The following RTKN2 variants were observed in gnomAD, a reference collection of about 807,000 sequenced individuals.
The protein encoded by RTKN2 is rhotekin 2.
In RTKN2, 69 loss-of-function variants were observed where a neutral mutation model predicts 71.5. The observed-to-expected ratio is 0.96, with a 90% CI of 0.79 to 1.18. The LOEUF (loss-of-function observed/expected upper bound fraction) is 1.18. Ranked by LOEUF, RTKN2 falls within the 50% of genes most tolerant of loss-of-function variation. The probability of loss-of-function intolerance (pLI) is 0.00; values close to 1 mark genes in which losing one functional copy is unlikely to be tolerated. For synonymous variants in RTKN2, 236 were observed against 236.5 expected (o/e 1.00, Z 0.02); for missense variants, 724 against 719.7 (o/e 1.01, Z -0.07).
chr10:62,184,535 T>G, intron 8 of RTKN2: 2 of 506,858 alleles, frequency 3.9e-6, no homozygotes, highest in Non-Finnish European at 6.9e-6. Flanking sequence ...TAAAAAAGCC[T>G]TTCTTAGAAC....
At chr10:62,202,185 G>A (rs898530241) in intron 10 of RTKN2, among the ~76,000 whole-genome samples, 3 of 152,028 alleles carry the variant, frequency 2.0e-5, no homozygotes, top group African/African-American at 7.2e-5. Flanking sequence ...ACTCACAAAT[G>A]TTAAAAATAG....
At chr10:62,266,076 G>A (rs1348497154) in intron 1 of RTKN2, among the ~76,000 whole-genome samples, 3 of 152,188 alleles carry the variant, frequency 2.0e-5, no homozygotes, top group Non-Finnish European at 4.4e-5. Flanking sequence ...AATTTTCTGA[G>A]TAAGGGCTTG....
rs1347518317 is a variant in RTKN2 at position 62,194,231 on chromosome 10, C to A, written c.*3677G>T. On this transcript the variant is annotated 3_prime_UTR_variant, in exon 12 of 12. Transcript: ENST00000373789. ...AATGATGACTTGTCTTTTAAAAACC[C>A]AAAGGTAACATCTTTCCCAGAGTTA... is the stretch of plus-strand genomic sequence containing the variant. 1 of 984,954 alleles carries A rather than the reference C, an allele frequency of 1.0e-6. No homozygotes were observed. Among genetic ancestry groups the A allele is most frequent in the Non-Finnish European group, 1.2e-6 (1 of 829,662 alleles). 61.0% of individuals were successfully genotyped at this position (984,954 alleles called of 1,614,324 possible).
At chr10:62,201,265 T>C (rs890537844) in intron 10 of RTKN2, among the ~76,000 whole-genome samples, 4 of 152,168 alleles carry the variant, frequency 2.6e-5, no homozygotes, top group African/African-American at 9.7e-5. Context: ...TTGTTGTTTG[T>C]AGTTGAATAT....
chr10:62,210,285 C>A (rs1208704911), intron 9 of RTKN2, among the ~76,000 whole-genome samples: 4 of 152,062 alleles, frequency 2.6e-5, no homozygotes, highest in African/African-American at 9.7e-5. Context: ...CATAAATTTT[C>A]TTAAGTGTGA....
chr10:62,221,989 T>G (rs1047967910), intron 7 of RTKN2, among the ~76,000 whole-genome samples: 2 of 152,012 alleles, frequency 1.3e-5, no homozygotes, highest in African/African-American at 4.8e-5. Context: ...ACCCAAGAAA[T>G]AGAAAAGCTG....
chr10:62,268,711 T>G lies in RTKN2; in HGVS notation c.-101A>C. On this transcript the variant is annotated 5_prime_UTR_variant, in exon 1 of 12. Transcript: ENST00000373789. ...GCAGAGGACGCCAACCGCCCGGCCG[T>G]ACCAAGTCCCAGTCGCAGGGGCCGG... The G allele has an allele frequency of 7.3e-6, 9 of 1,240,254 alleles. No individual in the cohort carries two copies. Among genetic ancestry groups the G allele is most frequent in the African/African-American group, 1.5e-5 (1 of 65,290 alleles). 76.8% of individuals were successfully genotyped at this position (1,240,254 alleles called of 1,614,324 possible).
chr10:62,245,932 C>A, intron 3 of RTKN2, 67 bp downstream of exon 3: 1 of 1,007,808 alleles, frequency 9.9e-7, no homozygotes, highest in Non-Finnish European at 1.5e-6. Flanking sequence ...GGGCATAAAA[C>A]AAAATCCACC....
chr10:62,255,639 T>C (rs2133072629), intron 2 of RTKN2, among the ~76,000 whole-genome samples: 1 of 152,300 alleles, frequency 6.6e-6, no homozygotes, highest in South Asian at 2.1e-4. Context: ...AAATGGATGA[T>C]AAAGCCATTA....
chr10:62,250,332 C>A (rs1842556773), intron 2 of RTKN2, among the ~76,000 whole-genome samples: 1 of 152,140 alleles, frequency 6.6e-6, no homozygotes, highest in Non-Finnish European at 1.5e-5. Context: ...GGAGCCTTGG[C>A]TACGAAGAAA....
At chr10:62,205,565 T>C (rs2132831721) in intron 9 of RTKN2, among the ~76,000 whole-genome samples, 1 of 152,326 alleles carries the variant, frequency 6.6e-6, no homozygotes, top group East Asian at 1.9e-4. Flanking sequence ...ACATTTATTT[T>C]GTACGTAACG....
At chr10:62,257,807 A>C (rs912817037) in intron 2 of RTKN2, among the ~76,000 whole-genome samples, 2 of 152,184 alleles carry the variant, frequency 1.3e-5, no homozygotes, top group Non-Finnish European at 1.5e-5. Context: ...AAGTCCAGCA[A>C]ATTAACAGAC....
chr10:62,228,544 T>G (rs1232031461), intron 6 of RTKN2, among the ~76,000 whole-genome samples: 1 of 152,196 alleles, frequency 6.6e-6, no homozygotes, highest in African/African-American at 2.4e-5. Context: ...AAAATTATTT[T>G]CCATGAAGGA....
At chr10:62,268,510 G>A (rs778880565) in intron 1 of RTKN2, 41 bp downstream of exon 1, 12 of 1,535,386 alleles carry the variant, frequency 7.8e-6, no homozygotes, top group Middle Eastern at 1.7e-4. Context: ...CAGAACCCCG[G>A]CTCCCTCACC....
intron 2 of RTKN2, among the ~76,000 whole-genome samples, chr10:62,247,730 C>T (rs1842505651): frequency 6.6e-6 from 1 of 151,650 alleles, no homozygotes; most frequent in Non-Finnish European, 1.5e-5. Context: ...ATTGAAAGGC[C>T]CACTAGAAAT....
In RTKN2 at chr10:62,193,988, T is replaced by C; in HGVS notation, c.*3920A>G. On this transcript the variant is annotated 3_prime_UTR_variant, in exon 12 of 12. Coordinates refer to ENST00000373789, the MANE Select transcript of RTKN2 (RefSeq NM_145307.4). ...AGAGGAGCACTTAAAGAGAAAAAGTTAGAAAACGTCTTCATGAATCAGTTC... is the reference window on the plus strand; with the variant it reads ...AGAGGAGCACTTAAAGAGAAAAAGTCAGAAAACGTCTTCATGAATCAGTTC... 1.1e-5 allele frequency: 11 copies of C among 985,194 alleles called. No individual in the cohort carries two copies. The highest frequency in any genetic ancestry group is 1.2e-5 in the Non-Finnish European group (10 of 829,734). 61.0% of individuals were successfully genotyped at this position (985,194 alleles called of 1,614,324 possible).
intron 6 of RTKN2, 69 bp from the exon 7 acceptor site, chr10:62,223,401 G>GTTCAACAACATTTGTAT (rs1841953212): frequency 3.3e-6 from 3 of 903,802 alleles, no homozygotes; most frequent in Non-Finnish European, 5.4e-6. Flanking sequence ...ATATTTGTAT[G>GTTCAACAACATTTGTAT]TTCAACAACA....
intron 8 of RTKN2, among the ~76,000 whole-genome samples, chr10:62,187,812 C>T (rs1001269428): frequency 2.6e-5 from 4 of 152,170 alleles, no homozygotes; most frequent in Non-Finnish European, 4.4e-5. Flanking sequence ...CTCCCCAATA[C>T]TATCTGTAGC....
chr10:62,255,100 GA>G (rs1441798469), intron 2 of RTKN2, among the ~76,000 whole-genome samples: 2 of 152,134 alleles, frequency 1.3e-5, no homozygotes, highest in Non-Finnish European at 2.9e-5. Flanking sequence ...CTGTATGTTG[GA>G]AAATTTTCAT....
Sources: gnomAD v4.1 joint callset for allele counts (sites outside exome capture counted in the v4.1 genomes callset) on GRCh38, gnomAD v4.1.1 for gene constraint, MANE v1.5 for transcripts, NCBI Gene and HGNC (gene_info 2026-07-23, HGNC 2026-07-21) for gene names.